SMCHD1: variants seen among roughly 807,000 people sequenced by gnomAD.
SMCHD1 encodes structural maintenance of chromosomes flexible hinge domain-containing protein 1.
Under a neutral mutation model 254.7 loss-of-function variants are expected in SMCHD1, and 78 were observed. That is an observed-to-expected ratio of 0.31 (90% CI 0.26 to 0.37). The LOEUF (loss-of-function observed/expected upper bound fraction) is 0.37, where lower values mean the gene tolerates loss of function less well. Ranked by LOEUF, SMCHD1 falls within the 10% of genes least tolerant of loss-of-function variation. SMCHD1 has a pLI of 1.00. For missense variants in SMCHD1, 1,840 were observed against 2,408.1 expected (o/e 0.76, Z 4.94); for synonymous variants, 766 against 794.9 (o/e 0.96, Z 0.61).
In SMCHD1 at chr18:2,748,376, G is replaced by A. The variant is rs1414573425; in HGVS notation, c.3927+729G>A. Among the ~76,000 whole-genome samples, 241 of 27,972 alleles carry A rather than the reference G, an allele frequency of 8.6e-3. 7 individuals are homozygous for A. Among genetic ancestry groups the A allele is most frequent in the Non-Finnish European group, 0.015 (180 of 12,152 alleles). 18.4% of individuals were successfully genotyped at this position (27,972 alleles called of 152,430 possible). A position where few individuals can be genotyped will look rare whatever the true frequency, so the allele number is the denominator to read the frequency against. On this transcript the variant is annotated intron_variant, in intron 30 of 47. Coordinates refer to ENST00000320876, the MANE Select transcript of SMCHD1 (RefSeq NM_015295.3). ...TGTGTGTGTGTGTGTGTGTGTGTGT[G>A]TGTGTGTATATAAATTTTTTTTTTT...
chr18:2,691,976 G>C (rs1416178096), intron 7 of SMCHD1: 1 of 152,242 alleles, frequency 6.6e-6, no homozygotes, highest in Non-Finnish European at 1.5e-5. Context: ...TGCCTTGTGT[G>C]ATAACACAAA....
chr18:2,697,313 T>A (rs1380066943), intron 9 of SMCHD1, 191 bp downstream of exon 9: 6 of 411,528 alleles, frequency 1.5e-5, no homozygotes, highest in Middle Eastern at 4.7e-4. Context: ...AAACCTTTAT[T>A]TACTGTAGGC....
intron 34 of SMCHD1, among the ~76,000 whole-genome samples, chr18:2,754,535 A>G (rs2075636771): frequency 6.6e-6 from 1 of 152,220 alleles, no homozygotes; most frequent in Non-Finnish European, 1.5e-5. Flanking sequence ...TCAACCAGGG[A>G]AGCTCACTGG....
intron 36 of SMCHD1, among the ~76,000 whole-genome samples, chr18:2,763,061 A>G (rs2075813126): frequency 6.6e-6 from 1 of 152,236 alleles, no homozygotes; most frequent in Non-Finnish European, 1.5e-5. Context: ...CTGCACCTTC[A>G]TGGAAAATTT....
At position 2,803,015 on chromosome 18, in the gene SMCHD1, A is replaced by G. The variant is rs2076391542; in HGVS notation, c.*463A>G. The G allele has an allele frequency of 6.6e-6, 1 of 152,136 alleles. No individual in the cohort carries two copies. The highest frequency in any genetic ancestry group is 6.6e-5 in the Admixed American group (1 of 15,258). The allele number at this position is 152,136 out of a possible 1,614,324, so 9.4% of individuals were successfully genotyped here. On this transcript the variant is annotated 3_prime_UTR_variant, in exon 48 of 48. Transcript: ENST00000320876. ...TTGTGTAAGGGAGGTTCTAGAGGCT[A>G]GATGTTTAATTGTAAATATGTGAGG...
chr18:2,724,765 G>A (rs2074992657), intron 20 of SMCHD1, 134 bp from the exon 21 acceptor site: 5 of 430,222 alleles, frequency 1.2e-5, no homozygotes, highest in Non-Finnish European at 8.2e-6. Flanking sequence ...ATTTTTTTCT[G>A]TTTAGTTTTT....
chr18:2,669,647 C>T (rs961925438), intron 3 of SMCHD1, among the ~76,000 whole-genome samples: 2 of 152,166 alleles, frequency 1.3e-5, no homozygotes, highest in African/African-American at 2.4e-5. Context: ...AGAAGTGACT[C>T]TCACAAGGAA....
intron 39 of SMCHD1, among the ~76,000 whole-genome samples, chr18:2,770,841 G>A (rs7239597): frequency 0.86 from 131,422 of 152,074 alleles, 57,018 homozygotes; most frequent in Admixed American, 0.91. Context: ...GGCTGGTCTC[G>A]AACTTCTTAC....
intron 39 of SMCHD1, 31 bp downstream of exon 39, chr18:2,770,139 A>C (rs373558483): frequency 1.3e-6 from 2 of 1,573,452 alleles, no homozygotes; most frequent in Non-Finnish European, 1.7e-6. Flanking sequence ...GACAAAAATT[A>C]TGCTTTGGGG....
At chr18:2,778,811 A>G (rs1038025629) in intron 44 of SMCHD1, 3 of 152,380 alleles carry the variant, frequency 2.0e-5, no homozygotes, top group African/African-American at 7.2e-5. Context: ...TAAGGATACC[A>G]GTCATACTGG....
At chr18:2,742,786 C>T (rs913629307) in intron 28 of SMCHD1, among the ~76,000 whole-genome samples, 15 of 152,122 alleles carry the variant, frequency 9.9e-5, no homozygotes, top group Admixed American at 5.2e-4. Context: ...AAGTGATCCT[C>T]CCACCAGAGC....
intron 34 of SMCHD1, among the ~76,000 whole-genome samples, chr18:2,760,250 G>A (rs2075762745): frequency 6.6e-6 from 1 of 152,010 alleles, no homozygotes; most frequent in Admixed American, 6.6e-5. Flanking sequence ...GTACTTGAAT[G>A]GAAAAAAAGT....
chr18:2,703,512 G>A (rs2074449392), intron 12 of SMCHD1, among the ~76,000 whole-genome samples, 180 bp from the exon 13 acceptor site: 1 of 152,210 alleles, frequency 6.6e-6, no homozygotes, highest in South Asian at 2.1e-4. Context: ...CTTTGGTAAT[G>A]CATTTGTTTG....
intron 21 of SMCHD1, among the ~76,000 whole-genome samples, chr18:2,725,459 TAAGG>T (rs1305387938): frequency 6.6e-6 from 1 of 151,936 alleles, no homozygotes; most frequent in Non-Finnish European, 1.5e-5. Flanking sequence ...GAGATACAGT[TAAGG>T]AAGGAATCCT....
intron 7 of SMCHD1, among the ~76,000 whole-genome samples, chr18:2,689,384 A>G (rs1162975045): frequency 4.0e-5 from 6 of 150,984 alleles, no homozygotes; most frequent in African/African-American, 1.5e-4. Flanking sequence ...TGCCCTGCTA[A>G]TTTTTTTTGT....
In SMCHD1 at chr18:2,732,492, A is replaced by G. The variant is rs2075161544; in HGVS notation, c.3276A>G (p.Lys1092=). 6.4e-7 allele frequency: 1 copy of G among 1,561,558 alleles called. No homozygotes were observed. The highest frequency in any genetic ancestry group is 8.8e-7 in the Non-Finnish European group (1 of 1,140,814). The change falls in exon 25 of 48, where the codon AAA becomes AAG. Residue 1092 remains lysine, a splice_region_variant and synonymous_variant. Coordinates refer to ENST00000320876, the MANE Select transcript of SMCHD1 (RefSeq NM_015295.3). ...NITSALAEKI[K]VNWTPEINKE... is the part of the protein sequence containing the mutation. ...CATCAGCTTTAGCAGAAAAAATTAAAGTAAGTATCTCTAACAGATTGGTTA... is the reference window on the plus strand; with the variant it reads ...CATCAGCTTTAGCAGAAAAAATTAAGGTAAGTATCTCTAACAGATTGGTTA...
At chr18:2,765,480 C>T (rs2075850556) in intron 37 of SMCHD1, among the ~76,000 whole-genome samples, 1 of 152,180 alleles carries the variant, frequency 6.6e-6, no homozygotes, top group Non-Finnish European at 1.5e-5. Context: ...GCCAGCTGTA[C>T]CTGGCCTGAA....
intron 17 of SMCHD1, among the ~76,000 whole-genome samples, chr18:2,717,807 A>T (rs1353258134): frequency 1.3e-5 from 2 of 151,992 alleles, no homozygotes; most frequent in Non-Finnish European, 2.9e-5. Flanking sequence ...CTTTTTAAAA[A>T]TTTTGTTTTT....
At chr18:2,690,877 A>G (rs550300501) in intron 7 of SMCHD1, among the ~76,000 whole-genome samples, 2 of 151,686 alleles carry the variant, frequency 1.3e-5, no homozygotes, top group East Asian at 3.9e-4. Flanking sequence ...CAACAACTGT[A>G]TGGAAGCACA....
Sources: allele counts gnomAD v4.1 joint callset (sites outside exome capture counted in the v4.1 genomes callset), GRCh38; gene constraint gnomAD v4.1.1; transcripts MANE v1.5; gene names NCBI Gene and HGNC (gene_info 2026-07-23, HGNC 2026-07-21).